EIF4E1B: variants seen among roughly 807,000 people sequenced by gnomAD.
EIF4E1B encodes the protein eukaryotic translation initiation factor 4E type 1B.
EIF4E1B carries 22 observed loss-of-function variants against 31.3 expected under a neutral mutation model. The observed-to-expected ratio is 0.70, with a 90% confidence interval of 0.50 to 1.00. The LOEUF is 1.00. EIF4E1B is among the 50% of genes least tolerant of loss of function. The pLI, the probability that EIF4E1B is intolerant of heterozygous loss-of-function variation, is 0.00. For synonymous variants in EIF4E1B, 126 were observed against 120.2 expected (o/e 1.05, Z -0.31); for missense variants, 290 against 311.6 (o/e 0.93, Z 0.52).
chr5:176,637,958 G>A (rs1035224168), intron 1 of EIF4E1B, among the ~76,000 whole-genome samples: 1 of 152,168 alleles, frequency 6.6e-6, no homozygotes, highest in Non-Finnish European at 1.5e-5. Context: ...CAAGAGAAGT[G>A]GTTGGGTCCT....
chr5:176,634,114 G>A (rs1391838420), intron 1 of EIF4E1B, among the ~76,000 whole-genome samples: 1 of 151,892 alleles, frequency 6.6e-6, no homozygotes, highest in East Asian at 1.9e-4. Flanking sequence ...TGATGTTGCT[G>A]CAAAATGAAA....
In EIF4E1B at chr5:176,643,252, C is replaced by A; in HGVS notation, c.186C>A (p.His62Gln). The change falls in exon 4 of 9, where the codon CAC becomes CAA. Residue 62 changes from histidine (H) to glutamine (Q), a missense_variant. Transcript: ENST00000318682. Reference protein sequence around the residue: ...GGPMEVKLELHPLQNRWALWF... With the variant: ...GGPMEVKLELQPLQNRWALWF... Reference sequence around the variant, plus strand: ...CCATGGAAGTCAAGCTGGAGCTGCACCCCTTGCAGAACAGGTAGGCAGGAG... The same window carrying A: ...CCATGGAAGTCAAGCTGGAGCTGCAACCCTTGCAGAACAGGTAGGCAGGAG... 6.2e-7 allele frequency: 1 copy of A among 1,612,240 alleles called. No homozygotes were observed. The highest frequency in any genetic ancestry group is 8.5e-7 in the Non-Finnish European group (1 of 1,179,828).
rs1194451685 is a variant in EIF4E1B, at chr5:176,645,057, G to T, written c.361-73G>T. The T allele has an allele frequency of 8.8e-6, 12 of 1,365,024 alleles. No individual in the cohort carries two copies. The highest frequency in any genetic ancestry group is 1.2e-5 in the Non-Finnish European group (12 of 989,808). The allele number at this position is 1,365,024 out of a possible 1,614,324, so 84.6% of individuals were successfully genotyped here. A position where few individuals can be genotyped will look rare whatever the true frequency, so the allele number is the denominator to read the frequency against. On this transcript the variant is annotated intron_variant, in intron 6 of 8. Coordinates refer to ENST00000318682, the MANE Select transcript of EIF4E1B (RefSeq NM_001099408.2). This position sits in a 1 kb window ranked among gnomAD's most constrained non-coding sequence, Gnocchi z 5.4. ...TAGGGCCTCAGCAGAGAGCGGATAAGGCCGGGATGGTGGGTGGGTCCCCAT... is the reference window on the plus strand; with the variant it reads ...TAGGGCCTCAGCAGAGAGCGGATAATGCCGGGATGGTGGGTGGGTCCCCAT...
In EIF4E1B at chr5:176,646,002, T is replaced by A. The variant is rs1161989781; in HGVS notation, c.*22T>A. On this transcript the variant is annotated 3_prime_UTR_variant, in exon 9 of 9. Coordinates refer to ENST00000318682, the MANE Select transcript of EIF4E1B (RefSeq NM_001099408.2). ...GTGAGGGGGGCCTTGGCACCCCTCC[T>A]ATGTAATGGGACAGCCGCCACTGAG... 4 of 1,563,448 alleles carry A rather than the reference T, an allele frequency of 2.6e-6. No homozygotes were observed. Among genetic ancestry groups the A allele is most frequent in the Non-Finnish European group, 3.5e-6 (4 of 1,150,318 alleles).
Position 176,645,478 on chromosome 5 carries a change from G to A in EIF4E1B, c.576G>A (p.Thr192=), listed in dbSNP as rs1054988816. Residue 192 remains threonine (T), a synonymous_variant, in exon 8 of 9, where the codon ACG becomes ACA. Transcript: ENST00000318682. This position sits in a 1 kb window ranked among gnomAD's most constrained non-coding sequence, Gnocchi z 5.4. The stretch of plus-strand genomic sequence containing the variant: ...AGGGGGACAAGATCGCTGTGTGGAC[G>A]AGGGAGGCGGAAAACCAGGCGGGCG... ...RTKGDKIAVW[T]REAENQAGVL... The A allele has an allele frequency of 9.9e-6, 15 of 1,517,926 alleles. No homozygotes were observed. Among genetic ancestry groups the A allele is most frequent in the African/African-American group, 7.0e-5 (5 of 71,472 alleles). The allele number at this position is 1,517,926 out of a possible 1,614,324, so 94.0% of individuals were successfully genotyped here. A position where few individuals can be genotyped will look rare whatever the true frequency, so the allele number is the denominator to read the frequency against.
intron 1 of EIF4E1B, among the ~76,000 whole-genome samples, chr5:176,637,027 G>A (rs1367285923): frequency 3.3e-5 from 5 of 152,220 alleles, no homozygotes; most frequent in African/African-American, 9.6e-5. Context: ...TGTAAAAGTC[G>A]TCAGCGACAC....
chr5:176,639,497 G>A (rs970964402), intron 1 of EIF4E1B, among the ~76,000 whole-genome samples: 1 of 152,172 alleles, frequency 6.6e-6, no homozygotes, highest in African/African-American at 2.4e-5. Flanking sequence ...GGAAGCTGTG[G>A]GAAGTGGTGG....
In EIF4E1B at chr5:176,643,700, G is replaced by A. The variant is rs1189346100; in HGVS notation, c.262G>A (p.Val88Ile). 6.2e-7 allele frequency: 1 copy of A among 1,613,200 alleles called. No homozygotes were observed. Among genetic ancestry groups the A allele is most frequent in the Admixed American group, 1.7e-5 (1 of 59,880 alleles). ...GGCCTGGCAGGACAACCTGCACCTG[G>A]TCACCAAGGTGGACACTGTGGAGGA... is the stretch of plus-strand genomic sequence containing the variant. ...SRAWQDNLHL[V>I]TKVDTVEDFW... Residue 88 changes from valine to isoleucine, a missense_variant, in exon 5 of 9, where the codon GTC becomes ATC. By Grantham distance (29) the Val-to-Ile change is conservative. Coordinates refer to ENST00000318682, the MANE Select transcript of EIF4E1B (RefSeq NM_001099408.2).
rs1343022413 is a variant in EIF4E1B, at chr5:176,645,861, TGCAGGC to T, written c.615-3_617del. On this transcript the variant is annotated splice_acceptor_variant and splice_polypyrimidine_tract_variant and coding_sequence_variant and intron_variant, in exon 9 of 9. Transcript: ENST00000318682. LOFTEE classifies it high-confidence loss of function. The surrounding 1 kb of genome is among the most constrained non-coding windows in gnomAD (Gnocchi z 5.4). Reference sequence around the variant, plus strand: ...TCTTTTCCTCTGTGTCCCCCGCACCTGCAGGCGTGTATACAAAGAGCGCCTGGGCCT... The same window carrying T: ...TCTTTTCCTCTGTGTCCCCCGCACCTGTGTATACAAAGAGCGCCTGGGCCT... 6.3e-7 allele frequency: 1 copy of T among 1,578,132 alleles called. No individual in the cohort carries two copies. Among genetic ancestry groups the T allele is most frequent in the South Asian group, 1.2e-5 (1 of 86,598 alleles).
chr5:176,631,557 T>C (rs1334982606), intron 1 of EIF4E1B, among the ~76,000 whole-genome samples: 1 of 148,736 alleles, frequency 6.7e-6, no homozygotes, highest in Non-Finnish European at 1.5e-5. Flanking sequence ...TTTTAGGCTG[T>C]GGGTACAGCA....
At chr5:176,635,619 TCCA>T (rs1304889891) in intron 1 of EIF4E1B, among the ~76,000 whole-genome samples, 2 of 152,162 alleles carry the variant, frequency 1.3e-5, no homozygotes, top group Non-Finnish European at 2.9e-5. Flanking sequence ...TGGTGGGCAG[TCCA>T]CAGGTGGTGT....
intron 5 of EIF4E1B, 78 bp downstream of exon 5, chr5:176,643,812 C>T: frequency 9.0e-6 from 13 of 1,450,650 alleles, no homozygotes; most frequent in Non-Finnish European, 1.1e-5. Flanking sequence ...TGAGCCAGCC[C>T]TCCCTAGGGC....
intron 1 of EIF4E1B, among the ~76,000 whole-genome samples, chr5:176,636,411 G>A (rs193089299): frequency 3.3e-3 from 508 of 152,362 alleles, no homozygotes; most frequent in Middle Eastern, 6.8e-3. Flanking sequence ...AATGTACTAA[G>A]GACGATGACT....
chr5:176,641,343 A>G (rs1330292570), intron 1 of EIF4E1B, among the ~76,000 whole-genome samples: 3 of 152,088 alleles, frequency 2.0e-5, no homozygotes, highest in Non-Finnish European at 4.4e-5. Flanking sequence ...CAATATAAAT[A>G]AATAAATAAA....
intron 1 of EIF4E1B, among the ~76,000 whole-genome samples, chr5:176,636,921 T>G (rs953982897): frequency 1.3e-5 from 2 of 152,180 alleles, no homozygotes; most frequent in Admixed American, 1.3e-4. Context: ...ATCAGACCAA[T>G]GAAGCCCTTG....
At chr5:176,639,023 A>C (rs1411993726) in intron 1 of EIF4E1B, among the ~76,000 whole-genome samples, 1 of 151,786 alleles carries the variant, frequency 6.6e-6, no homozygotes, top group Non-Finnish European at 1.5e-5. Flanking sequence ...CTACTCTCGA[A>C]CTCCTGACCT....
chr5:176,633,019 T>C (rs551673560), intron 1 of EIF4E1B, among the ~76,000 whole-genome samples: 38 of 152,230 alleles, frequency 2.5e-4, no homozygotes, highest in Non-Finnish European at 4.4e-4. Flanking sequence ...CCAAGGACCA[T>C]TGGCAGCAGT....
chr5:176,634,393 T>C (rs530685187), intron 1 of EIF4E1B, among the ~76,000 whole-genome samples: 1 of 152,228 alleles, frequency 6.6e-6, no homozygotes, highest in Admixed American at 6.5e-5. Context: ...CCAATGTCCT[T>C]GGGGTAAAAT....
In EIF4E1B at chr5:176,645,854, C is replaced by T; in HGVS notation, c.615-12C>T. On this transcript the variant is annotated splice_polypyrimidine_tract_variant and intron_variant, in intron 8 of 8. Transcript: ENST00000318682. The surrounding 1 kb of genome is among the most constrained non-coding windows in gnomAD (Gnocchi z 5.4). ...CTGTGTCTCTTTTCCTCTGTGTCCC[C>T]CGCACCTGCAGGCGTGTATACAAAG... 1.3e-6 allele frequency: 2 copies of T among 1,566,282 alleles called. No individual in the cohort carries two copies. Among genetic ancestry groups the T allele is most frequent in the South Asian group, 2.3e-5 (2 of 85,616 alleles).
Sources: allele counts gnomAD v4.1 joint callset (sites outside exome capture counted in the v4.1 genomes callset), GRCh38; gene constraint gnomAD v4.1.1; non-coding constraint Gnocchi (gnomAD v3.1); transcripts MANE v1.5; gene names NCBI Gene and HGNC (gene_info 2026-07-23, HGNC 2026-07-21).